The following TARBP1 variants were observed in gnomAD, a reference collection of about 807,000 sequenced individuals.
TARBP1 encodes tRNA guanosine 2 -O-methyltransferase TARBP1, also known as tRNA (guanosine(18)-2'-O)-methyltransferase TARBP1.
A neutral mutation model predicts 178.6 loss-of-function variants in TARBP1; 144 were observed. The observed-to-expected ratio is 0.81, with a 90% CI of 0.70 to 0.93. TARBP1 has a LOEUF of 0.93. TARBP1 is among the 40% of genes least tolerant of loss of function. The probability of loss-of-function intolerance (pLI) is 0.00; values close to 1 mark genes in which losing one functional copy is unlikely to be tolerated. For synonymous variants in TARBP1, 787 were observed against 781.0 expected (o/e 1.01, Z -0.13); for missense variants, 2,067 against 2,011.7 (o/e 1.03, Z -0.53).
chr1:234,419,729 A>C (rs988405568), intron 21 of TARBP1, among the ~76,000 whole-genome samples: 10 of 152,110 alleles, frequency 6.6e-5, no homozygotes, highest in Non-Finnish European at 1.5e-5. Flanking sequence ...ACATACTTTA[A>C]ATCAAATAAT....
chr1:234,434,634 C>T (rs1319347145), intron 13 of TARBP1, among the ~76,000 whole-genome samples: 1 of 152,178 alleles, frequency 6.6e-6, no homozygotes, highest in Non-Finnish European at 1.5e-5. Flanking sequence ...CTGACACCAT[C>T]ATAGAGCAAG....
At chr1:234,420,899 G>A (rs1663009127) in intron 20 of TARBP1, 87 bp from the exon 21 acceptor site, 3 of 829,704 alleles carry the variant, frequency 3.6e-6, no homozygotes, top group Non-Finnish European at 5.8e-6. Flanking sequence ...TGAAATGTAA[G>A]TGGCTTAAAT....
intron 1 of TARBP1, among the ~76,000 whole-genome samples, chr1:234,474,094 A>T (rs1226589842): frequency 1.1e-4 from 16 of 152,090 alleles, no homozygotes; most frequent in Admixed American, 1.0e-3. Flanking sequence ...AATTTAAAAA[A>T]TTATCAGGGC....
Position 234,401,157 on chromosome 1 carries a change from T to G in TARBP1, c.4071+24A>C, listed in dbSNP as rs765895720. On this transcript the variant is annotated intron_variant, in intron 25 of 29. Coordinates refer to ENST00000040877, the MANE Select transcript of TARBP1 (RefSeq NM_005646.4). ...CAGGATTAAAGATACAATAGAGAAT[T>G]TACAAATGATATTCTCTACTCACCT... 4 of 1,573,386 alleles carry G rather than the reference T, an allele frequency of 2.5e-6. No homozygotes were observed. In the African/African-American group the frequency reaches 5.4e-5, roughly 21 times the overall value.
intron 3 of TARBP1, 97 bp downstream of exon 3, chr1:234,471,091 T>G: frequency 1.1e-6 from 1 of 891,866 alleles, no homozygotes; most frequent in Non-Finnish European, 1.7e-6. Flanking sequence ...TACACTTTTA[T>G]AGTTTTTCAA....
At chr1:234,408,613 A>G (rs1053699228) in intron 23 of TARBP1, among the ~76,000 whole-genome samples, 1 of 151,854 alleles carries the variant, frequency 6.6e-6, no homozygotes, top group Non-Finnish European at 1.5e-5. Context: ...AGCTGGCACC[A>G]CCCAGATCGA....
At chr1:234,468,368 G>C (rs1042919969) in intron 3 of TARBP1, among the ~76,000 whole-genome samples, 16 of 152,066 alleles carry the variant, frequency 1.1e-4, no homozygotes, top group African/African-American at 3.6e-4. Context: ...ACTGAGACAC[G>C]AGAATCGCTT....
rs1409358647 is a variant in TARBP1 at position 234,429,420 on chromosome 1, G to A, written c.2867C>T (p.Pro956Leu). 1.3e-5 allele frequency: 21 copies of A among 1,608,998 alleles called. No individual in the cohort carries two copies. Among genetic ancestry groups the A allele is most frequent in the African/African-American group, 2.7e-5 (2 of 74,656 alleles). The change falls in exon 16 of 30, where the codon CCC (proline) becomes CTC (leucine). Residue 956 changes from proline to leucine, a missense_variant. By Grantham distance (98) the Pro-to-Leu change is moderately conservative (BLOSUM62 -3). Coordinates refer to ENST00000040877, the MANE Select transcript of TARBP1 (RefSeq NM_005646.4). ...TCATGTTTCACTCTATCTTACCTTG[G>A]GAACCAACACTTTCAAGCAATGGAA... ...PVFHCLKVLV[P>L]KLLTSSESLC...
At chr1:234,425,123 G>A (rs1057083013) in intron 20 of TARBP1, among the ~76,000 whole-genome samples, 7 of 152,068 alleles carry the variant, frequency 4.6e-5, no homozygotes, top group African/African-American at 1.7e-4. Flanking sequence ...TACTCGGGTG[G>A]CTGAGGCAGG....
intron 12 of TARBP1, among the ~76,000 whole-genome samples, chr1:234,438,343 G>A (rs553678677): frequency 5.3e-5 from 8 of 152,232 alleles, no homozygotes; most frequent in East Asian, 3.9e-4. Flanking sequence ...TGTTAGAACC[G>A]TTTGACAAAA....
At chr1:234,427,282 T>C in intron 19 of TARBP1, 35 bp downstream of exon 19, 1 of 1,486,598 alleles carries the variant, frequency 6.7e-7, no homozygotes, top group East Asian at 2.3e-5. Context: ...TAGTATCTCA[T>C]TTATGTGAAG....
At chr1:234,441,680 C>A (rs1030525822) in intron 12 of TARBP1, among the ~76,000 whole-genome samples, 1 of 152,114 alleles carries the variant, frequency 6.6e-6, no homozygotes, top group Non-Finnish European at 1.5e-5. Context: ...CAAAGAGAAA[C>A]CTCATACCCT....
intron 20 of TARBP1, among the ~76,000 whole-genome samples, chr1:234,423,577 G>C (rs1663355511): frequency 6.6e-6 from 1 of 152,118 alleles, no homozygotes; most frequent in Non-Finnish European, 1.5e-5. Flanking sequence ...AGGTGACCAA[G>C]ACAGCTGAAT....
In TARBP1 at chr1:234,427,698, G is replaced by A. The variant is rs767838611; in HGVS notation, c.3129C>T (p.Cys1043=). The change falls in exon 18 of 30, where the codon TGC becomes TGT. Residue 1043 remains cysteine, a synonymous_variant. Transcript: ENST00000040877. ...AAGCAGACACTATCCAAGACTGACA[G>A]CAGTAACTTATCAGTGTATTGAAGA... The part of the protein sequence containing the change: ...TGVFNTLISY[C]CQSWIVSASN... 3.9e-6 allele frequency: 6 copies of A among 1,548,426 alleles called. No individual in the cohort carries two copies. Among genetic ancestry groups the A allele is most frequent in the Non-Finnish European group, 5.2e-6 (6 of 1,156,704 alleles).
rs1031473899 is a variant in TARBP1, at chr1:234,430,680, T to C, written c.2395-379A>G. ...TACACATCTGCATGCAGCATTCCTATGGGTGAGCCTTATTTTAACTGTCTG... is the reference window on the plus strand; with the variant it reads ...TACACATCTGCATGCAGCATTCCTACGGGTGAGCCTTATTTTAACTGTCTG... On this transcript the variant is annotated intron_variant, in intron 14 of 29. Transcript: ENST00000040877. Among the ~76,000 whole-genome samples, 8 of 151,986 alleles carry C rather than the reference T, an allele frequency of 5.3e-5. No individual in the cohort carries two copies. In the South Asian group the frequency reaches 6.2e-4, roughly 12 times the overall value.
chr1:234,410,985 T>C (rs1428795544), intron 22 of TARBP1, among the ~76,000 whole-genome samples: 2 of 152,114 alleles, frequency 1.3e-5, no homozygotes, highest in African/African-American at 4.8e-5. Flanking sequence ...GGTAGAAGAA[T>C]TGCCTGAACC....
intron 3 of TARBP1, among the ~76,000 whole-genome samples, chr1:234,469,077 T>TAAAAAAA (rs1327979551): frequency 3.1e-5 from 2 of 63,764 alleles, no homozygotes; most frequent in African/African-American, 6.1e-5. Context: ...TTTTTTTTTT[T>TAAAAAAA]AAAAAAAAAA....
At chr1:234,403,528 T>C (rs1660908384) in intron 24 of TARBP1, among the ~76,000 whole-genome samples, 1 of 152,218 alleles carries the variant, frequency 6.6e-6, no homozygotes, top group Non-Finnish European at 1.5e-5. Flanking sequence ...TCTGATTACT[T>C]GATGTCTATT....
intron 22 of TARBP1, among the ~76,000 whole-genome samples, chr1:234,414,939 G>A (rs890594548): frequency 5.3e-5 from 8 of 151,932 alleles, no homozygotes; most frequent in East Asian, 1.9e-4. Flanking sequence ...AGCCAATATC[G>A]CACCACTGCA....
Sources: allele counts gnomAD v4.1 joint callset (sites outside exome capture counted in the v4.1 genomes callset), GRCh38; gene constraint gnomAD v4.1.1; transcripts MANE v1.5; gene names NCBI Gene and HGNC (gene_info 2026-07-23, HGNC 2026-07-21).